Variants in CNTN5 observed in about 807,000 individuals in gnomAD.
CNTN5 encodes the protein contactin-5.
A neutral mutation model predicts 129.1 loss-of-function variants in CNTN5; 77 were observed. That is an observed-to-expected ratio of 0.60 (90% CI 0.50 to 0.72). CNTN5 has a LOEUF of 0.72. Ranked by LOEUF, CNTN5 falls within the 30% of genes least tolerant of loss-of-function variation. CNTN5 has a pLI of 0.00. For missense variants in CNTN5, 1,478 were observed against 1,328.8 expected, an observed-to-expected ratio of 1.11 and a Z score of -1.75; for synonymous variants, 509 against 465.6, an observed-to-expected ratio of 1.09 and a Z score of -1.20.
chr11:99,708,464 A>G (rs1378077327), intron 3 of CNTN5, among the ~76,000 whole-genome samples: 1 of 151,782 alleles, frequency 6.6e-6, no homozygotes, highest in East Asian at 1.9e-4. Flanking sequence ...TTCAAAGACC[A>G]AAGTAAATAA....
chr11:100,047,410 G>A (rs1458989050), intron 9 of CNTN5, among the ~76,000 whole-genome samples: 1 of 152,060 alleles, frequency 6.6e-6, no homozygotes, highest in African/African-American at 2.4e-5. Context: ...TAAATTAGCT[G>A]CATGCCAGAA....
chr11:100,333,413 A>AAAAG, intron 21 of CNTN5, among the ~76,000 whole-genome samples: 1 of 145,558 alleles, frequency 6.9e-6, no homozygotes, highest in African/African-American at 2.7e-5. Context: ...AATTAGAAAA[A>AAAAG]AAAAAAAAAA....
chr11:99,475,479 T>G (rs1262947970), intron 2 of CNTN5, among the ~76,000 whole-genome samples: 1 of 152,170 alleles, frequency 6.6e-6, no homozygotes, highest in East Asian at 1.9e-4. Flanking sequence ...CATTTATTTA[T>G]TCAATAAATA....
At chr11:100,187,552 G>T (rs998952725) in intron 13 of CNTN5, among the ~76,000 whole-genome samples, 1 of 151,962 alleles carries the variant, frequency 6.6e-6, no homozygotes, top group Admixed American at 6.6e-5. Context: ...TATAGTATAA[G>T]GTTACAGTAA....
chr11:99,386,493 C>T (rs377293373), intron 2 of CNTN5, among the ~76,000 whole-genome samples: 4 of 151,902 alleles, frequency 2.6e-5, no homozygotes, highest in African/African-American at 4.8e-5. Flanking sequence ...GTCGTGACAC[C>T]GGTGGGAGTG....
At chr11:99,869,157 C>T (rs1415535925) in intron 6 of CNTN5, among the ~76,000 whole-genome samples, 1 of 152,144 alleles carries the variant, frequency 6.6e-6, no homozygotes, top group Admixed American at 6.6e-5. Flanking sequence ...ATCATTTCCT[C>T]CGTAGATTTT....
Position 100,130,465 on chromosome 11 carries a change from C to T in CNTN5, c.1580+56171C>T, listed in dbSNP as rs150277915. Among the ~76,000 whole-genome samples, 923 of 152,094 alleles carry T rather than the reference C, an allele frequency of 6.1e-3. 7 individuals are homozygous for T. Among genetic ancestry groups the T allele is most frequent in the African/African-American group, 0.019 (804 of 41,500 alleles). On this transcript the variant is annotated intron_variant, in intron 13 of 24. Transcript: ENST00000524871. Reference sequence around the variant, plus strand: ...GAAAAGAATATTTTCTTAAAGGGAACGATATGTATAAAAGTACTGAAGTGA... The same window carrying T: ...GAAAAGAATATTTTCTTAAAGGGAATGATATGTATAAAAGTACTGAAGTGA...
chr11:99,731,824 G>C (rs1049669541), intron 3 of CNTN5, among the ~76,000 whole-genome samples: 2 of 152,088 alleles, frequency 1.3e-5, no homozygotes, highest in Non-Finnish European at 2.9e-5. Context: ...CTGCAAATTG[G>C]CACCACATCA....
At chr11:99,941,332 C>T (rs565380276) in intron 7 of CNTN5, among the ~76,000 whole-genome samples, 32 of 151,630 alleles carry the variant, frequency 2.1e-4, no homozygotes, top group African/African-American at 7.2e-4. Context: ...TAAACTTTAC[C>T]CAATATAATA....
intron 15 of CNTN5, among the ~76,000 whole-genome samples, chr11:100,209,179 A>G (rs1288644022): frequency 6.6e-6 from 1 of 152,226 alleles, no homozygotes. Context: ...TCTACCACAC[A>G]ACCTCTAAAT....
chr11:99,809,121 C>A (rs1014097587), intron 3 of CNTN5, among the ~76,000 whole-genome samples: 1 of 152,102 alleles, frequency 6.6e-6, no homozygotes, highest in Non-Finnish European at 1.5e-5. Context: ...CTCCCCCAGG[C>A]CCGGGAAAAA....
chr11:99,598,294 CTTTTCTTTTCTTTTCTTTTCTTTTCTTT>C (rs1950192693), intron 3 of CNTN5, among the ~76,000 whole-genome samples: 3 of 6,856 alleles, frequency 4.4e-4, no homozygotes, highest in Non-Finnish European at 3.1e-4. Flanking sequence ...CTTTTCTTTT[CTTTTCTTTTCTTTTCTTTTCTTTTCTTT>C]TCTGTCCCTC....
intron 1 of CNTN5, among the ~76,000 whole-genome samples, chr11:99,253,195 G>C (rs1862203171): frequency 6.6e-6 from 1 of 151,888 alleles, no homozygotes; most frequent in Non-Finnish European, 1.5e-5. Flanking sequence ...GAGATTTGTT[G>C]GTTTTATAAA....
At chr11:100,023,552 T>C (rs918635547) in intron 9 of CNTN5, among the ~76,000 whole-genome samples, 2 of 152,242 alleles carry the variant, frequency 1.3e-5, no homozygotes, top group African/African-American at 4.8e-5. Context: ...TTTCTTTTAG[T>C]GTTCTAAATT....
Position 99,421,888 on chromosome 11 carries a change from A to G in CNTN5, c.-71+96404A>G, listed in dbSNP as rs536588793. ...TAGCTGTCTTACAAATCTTGCAAAT[A>G]AATCAAAAACAACTTATCATAGATT... On this transcript the variant is annotated intron_variant, in intron 2 of 24. Coordinates refer to ENST00000524871, the MANE Select transcript of CNTN5 (RefSeq NM_014361.4). Among the ~76,000 whole-genome samples the G allele has an allele frequency of 1.1e-4, 17 of 152,344 alleles. No homozygotes were observed. In the South Asian group the frequency reaches 2.1e-3, roughly 19 times the overall value.
At chr11:99,353,956 G>A (rs1207728253) in intron 2 of CNTN5, among the ~76,000 whole-genome samples, 1 of 152,120 alleles carries the variant, frequency 6.6e-6, no homozygotes, top group Non-Finnish European at 1.5e-5. Context: ...TTGATTTAGG[G>A]ATATGTGTAG....
chr11:99,394,403 A>G (rs2136194697), intron 2 of CNTN5, among the ~76,000 whole-genome samples: 1 of 151,780 alleles, frequency 6.6e-6, no homozygotes, highest in South Asian at 2.1e-4. Context: ...TCACCCTCCA[A>G]ACTGTAAAAT....
intron 2 of CNTN5, among the ~76,000 whole-genome samples, chr11:99,329,845 C>A (rs996019241): frequency 6.6e-6 from 1 of 151,692 alleles, no homozygotes; most frequent in South Asian, 2.1e-4. Context: ...AATACTATCT[C>A]ATTTTTGTAA....
intron 2 of CNTN5, among the ~76,000 whole-genome samples, chr11:99,530,221 G>A (rs1268586277): frequency 6.6e-6 from 1 of 152,058 alleles, no homozygotes; most frequent in East Asian, 1.9e-4. Context: ...CTGCATTACT[G>A]TATTTCTCTC....
Sources: allele counts gnomAD v4.1 joint callset (sites outside exome capture counted in the v4.1 genomes callset), GRCh38; gene constraint gnomAD v4.1.1; transcripts MANE v1.5; gene names NCBI Gene and HGNC (gene_info 2026-07-23, HGNC 2026-07-21).